The following STXBP5 variants were observed in gnomAD, a reference collection of about 807,000 sequenced individuals.
STXBP5 encodes the protein syntaxin binding protein 5, also known as syntaxin-binding protein 5.
A neutral mutation model predicts 152.4 loss-of-function variants in STXBP5; 50 were observed. That is an observed-to-expected ratio of 0.33 (90% CI 0.26 to 0.42). The LOEUF is 0.42. STXBP5 is among the 10% of genes least tolerant of loss of function. The pLI is 1.00. For synonymous variants in STXBP5, 492 were observed against 494.7 expected (o/e 0.99, Z 0.07); for missense variants, 1,167 against 1,388.6 (o/e 0.84, Z 2.54).
intron 23 of STXBP5, among the ~76,000 whole-genome samples, chr6:147,361,834 A>T (rs1238826663): frequency 6.6e-6 from 1 of 152,200 alleles, no homozygotes; most frequent in East Asian, 1.9e-4. Flanking sequence ...CAGAATAAAA[A>T]ATAAGAGATC....
chr6:147,363,287 T>C (rs964473211), intron 23 of STXBP5, 48 bp from the exon 24 acceptor site: 1 of 1,509,626 alleles, frequency 6.6e-7, no homozygotes, highest in Non-Finnish European at 8.8e-7. Context: ...ACGTGTTTAC[T>C]CTGTTGATTA....
At chr6:147,218,675 C>T (rs1195939876) in intron 2 of STXBP5, among the ~76,000 whole-genome samples, 1 of 152,066 alleles carries the variant, frequency 6.6e-6, no homozygotes, top group Non-Finnish European at 1.5e-5. Flanking sequence ...GAGACAAGGT[C>T]CTGGCATGTT....
At chr6:147,289,575 G>A (rs997965302) in intron 8 of STXBP5, among the ~76,000 whole-genome samples, 7 of 152,046 alleles carry the variant, frequency 4.6e-5, no homozygotes, top group Admixed American at 1.3e-4. Flanking sequence ...ATGTTAATAA[G>A]CCTGGACAGT....
In STXBP5 at chr6:147,204,625, GA is replaced by G; in HGVS notation, c.95del (p.Asn32ThrfsTer50). 1 of 1,610,834 alleles carries G rather than the reference GA, an allele frequency of 6.2e-7. No individual in the cohort carries two copies. The highest frequency in any genetic ancestry group is 8.5e-7 in the Non-Finnish European group (1 of 1,178,402). The stretch of plus-strand genomic sequence containing the variant: ...AGCAACAGCAGCAGCATCCGCCTGG[GA>G]ACCGGGAGCCGGAGATCCAGGAAAC... ...QQQQQQHPPG[N>X]REPEIQETLQ... On this transcript the variant is annotated frameshift_variant, in exon 1 of 28. Coordinates refer to ENST00000321680, the MANE Select transcript of STXBP5 (RefSeq NM_001127715.4). LOFTEE classifies it high-confidence loss of function. This position sits in a 1 kb window ranked among gnomAD's most constrained non-coding sequence, Gnocchi z 4.3.
intron 26 of STXBP5, among the ~76,000 whole-genome samples, chr6:147,380,181 C>T (rs1396564246): frequency 1.5e-4 from 8 of 53,588 alleles, no homozygotes; most frequent in Non-Finnish European, 3.9e-4. Context: ...CGTACACACA[C>T]ACACACACAC....
chr6:147,235,290 A>C lies in STXBP5; in HGVS notation c.289A>C (p.Ser97Arg). The change falls in exon 3 of 28, where the codon AGT becomes CGT. Residue 97 changes from serine to arginine, a missense_variant. Physicochemically the swap from Ser to Arg is moderately radical, Grantham distance 110. Around this residue, in one of 3 missense-constraint regions of STXBP5, gnomAD observed 310 missense variants for 346.1 expected, o/e 0.90. Transcript: ENST00000321680. Reference sequence around the variant, plus strand: ...AGTAGAATGTTATTGCCAGCATGACAGTGGAGCTGCAGTAATCCAGCTCCA... The same window carrying C: ...AGTAGAATGTTATTGCCAGCATGACCGTGGAGCTGCAGTAATCCAGCTCCA... ...PGVECYCQHD[S>R]GAAVIQLQFL... 2 of 1,613,456 alleles carry C rather than the reference A, an allele frequency of 1.2e-6. No homozygotes were observed. Among genetic ancestry groups the C allele is most frequent in the Non-Finnish European group, 1.7e-6 (2 of 1,179,546 alleles).
intron 2 of STXBP5, among the ~76,000 whole-genome samples, chr6:147,216,890 G>A (rs1777197239): frequency 1.3e-5 from 2 of 152,180 alleles, no homozygotes; most frequent in South Asian, 4.1e-4. Context: ...TATATGACGA[G>A]TCCTAGAACT....
intron 9 of STXBP5, among the ~76,000 whole-genome samples, chr6:147,303,652 G>A (rs759960715): frequency 3.9e-4 from 59 of 152,180 alleles, no homozygotes; most frequent in Non-Finnish European, 7.5e-4. Flanking sequence ...AGATGTAGGC[G>A]AGTTTGCAGC....
At chr6:147,214,194 A>G (rs183707411) in intron 2 of STXBP5, among the ~76,000 whole-genome samples, 160 of 152,300 alleles carry the variant, frequency 1.1e-3, no homozygotes, top group African/African-American at 3.8e-3. Flanking sequence ...ATTAGCAGTA[A>G]TAAAAATAAG....
At chr6:147,273,195 T>TAA (rs61153710) in intron 7 of STXBP5, among the ~76,000 whole-genome samples, 2 of 129,312 alleles carry the variant, frequency 1.5e-5, no homozygotes, top group African/African-American at 3.0e-5. Flanking sequence ...TCTAAAAAAG[T>TAA]AAAAAAAAAA....
intron 2 of STXBP5, among the ~76,000 whole-genome samples, chr6:147,230,369 T>G (rs1777937181): frequency 6.6e-6 from 1 of 151,828 alleles, no homozygotes; most frequent in East Asian, 1.9e-4. Context: ...GCCATATTGC[T>G]TCATTATTAA....
chr6:147,286,377 TA>T (rs1475005343), intron 8 of STXBP5, among the ~76,000 whole-genome samples: 1 of 152,192 alleles, frequency 6.6e-6, no homozygotes, highest in African/African-American at 2.4e-5. Flanking sequence ...TGTACAAGTA[TA>T]TATTTATAAA....
At chr6:147,217,421 C>T (rs1347881645) in intron 2 of STXBP5, among the ~76,000 whole-genome samples, 1 of 152,134 alleles carries the variant, frequency 6.6e-6, no homozygotes, top group Non-Finnish European at 1.5e-5. Context: ...TCATTTAACC[C>T]AGACCACTAT....
intron 4 of STXBP5, among the ~76,000 whole-genome samples, chr6:147,244,008 A>G (rs905147454): frequency 5.3e-5 from 8 of 152,154 alleles, no homozygotes; most frequent in African/African-American, 1.4e-4. Context: ...TTTTGTATCT[A>G]TGGGATCCAC....
At chr6:147,236,405 A>G (rs1242241081) in intron 3 of STXBP5, among the ~76,000 whole-genome samples, 2 of 152,192 alleles carry the variant, frequency 1.3e-5, no homozygotes, top group East Asian at 1.9e-4. Flanking sequence ...TTATGGAATC[A>G]TTATACTCAT....
intron 8 of STXBP5, among the ~76,000 whole-genome samples, chr6:147,287,302 A>G (rs1030992800): frequency 3.0e-5 from 4 of 135,174 alleles, no homozygotes; most frequent in Non-Finnish European, 6.1e-5. Flanking sequence ...TCCCGGGTTC[A>G]TGCCATTCTC....
intron 3 of STXBP5, among the ~76,000 whole-genome samples, chr6:147,237,100 TAA>T (rs960364307): frequency 6.6e-6 from 1 of 152,132 alleles, no homozygotes; most frequent in African/African-American, 2.4e-5. Context: ...ATACTTGTGT[TAA>T]GATTATTTTT....
At chr6:147,271,364 C>G (rs966263781) in intron 7 of STXBP5, among the ~76,000 whole-genome samples, 3 of 152,040 alleles carry the variant, frequency 2.0e-5, no homozygotes, top group African/African-American at 4.8e-5. Flanking sequence ...AGTAGACATT[C>G]TTTTCAGCTA....
chr6:147,236,536 A>AGT (rs1165968657), intron 3 of STXBP5, among the ~76,000 whole-genome samples: 1 of 152,156 alleles, frequency 6.6e-6, no homozygotes, highest in African/African-American at 2.4e-5. Flanking sequence ...TCAAAACAAT[A>AGT]CTATTAACTA....
Sources: gnomAD v4.1 joint callset for allele counts (sites outside exome capture counted in the v4.1 genomes callset) on GRCh38, gnomAD v4.1.1 for gene constraint, gnomAD v4.1.1 regional missense constraint, Gnocchi (gnomAD v3.1) non-coding constraint, MANE v1.5 for transcripts, NCBI Gene and HGNC (gene_info 2026-07-23, HGNC 2026-07-21) for gene names.